LRP1B: variants seen among roughly 807,000 people sequenced by gnomAD.
LRP1B encodes the protein LDL receptor related protein 1B.
LRP1B carries 217 observed loss-of-function variants against 556.6 expected under a neutral mutation model. That is an observed-to-expected ratio of 0.39 (90% CI 0.35 to 0.44). The LOEUF (loss-of-function observed/expected upper bound fraction) is 0.44, where lower values mean the gene tolerates loss of function less well. Among genes scored for constraint, LRP1B ranks in the 20% least tolerant of loss-of-function variants. The pLI is 1.00. For missense variants in LRP1B, 5,053 were observed against 5,620.8 expected, an observed-to-expected ratio of 0.90 and a Z score of 3.23; for synonymous variants, 2,047 against 1,865.8, an observed-to-expected ratio of 1.10 and a Z score of -2.50.
At chr2:141,096,629 G>GGAGAGGGAGAGAGAGA (rs1700318285) in intron 7 of LRP1B, among the ~76,000 whole-genome samples, 9 of 59,742 alleles carry the variant, frequency 1.5e-4, no homozygotes, top group African/African-American at 4.4e-4. Flanking sequence ...GGGGAGAGGG[G>GGAGAGGGAGAGAGAGA]GAGAGAGAGA....
chr2:140,299,708 C>A (rs909123412), intron 83 of LRP1B, among the ~76,000 whole-genome samples: 1 of 151,710 alleles, frequency 6.6e-6, no homozygotes, highest in Non-Finnish European at 1.5e-5. Context: ...ATTGTTGGAA[C>A]GTGATTAATG....
intron 12 of LRP1B, among the ~76,000 whole-genome samples, chr2:141,018,295 T>C (rs115385299): frequency 0.01 from 1,575 of 152,216 alleles, 30 homozygotes; most frequent in African/African-American, 0.035. Context: ...CTTTCCTCTG[T>C]TTCTTAGTAA....
Position 141,316,334 on chromosome 2 carries a change from T to C in LRP1B, c.344-61693A>G, listed in dbSNP as rs1034453530. On this transcript the variant is annotated intron_variant, in intron 3 of 90. Coordinates refer to ENST00000389484, the MANE Select transcript of LRP1B (RefSeq NM_018557.3). ...TAACAACGTTATTGCAATGAGAAAG[T>C]TCCTCCTTTCACTATATACCATTTT... is the stretch of plus-strand genomic sequence containing the variant. Among the ~76,000 whole-genome samples, 4 of 152,172 alleles carry C rather than the reference T, an allele frequency of 2.6e-5. No individual in the cohort carries two copies. The East Asian group carries it at 7.7e-4, about 29-fold the overall frequency.
intron 2 of LRP1B, among the ~76,000 whole-genome samples, chr2:141,528,198 G>A (rs10496885): frequency 0.19 from 29,414 of 151,280 alleles, 2,997 homozygotes; most frequent in South Asian, 0.39. Context: ...ATATAAGCTG[G>A]AATTAAATGG....
intron 1 of LRP1B, among the ~76,000 whole-genome samples, chr2:142,127,155 T>G (rs1337784015): frequency 1.3e-5 from 2 of 151,954 alleles, no homozygotes; most frequent in Non-Finnish European, 2.9e-5. Flanking sequence ...ATATTTAATT[T>G]TTCTGCAATA....
chr2:140,337,018 A>G (rs986352754), intron 77 of LRP1B, among the ~76,000 whole-genome samples: 12 of 151,892 alleles, frequency 7.9e-5, no homozygotes, highest in African/African-American at 2.9e-4. Flanking sequence ...AGTTTTTAAC[A>G]CATGAAGTCT....
intron 1 of LRP1B, among the ~76,000 whole-genome samples, chr2:142,034,112 A>C (rs2105202377): frequency 6.6e-6 from 1 of 151,644 alleles, no homozygotes; most frequent in South Asian, 2.1e-4. Flanking sequence ...ACATCACTCA[A>C]ATCTGCCCTC....
chr2:140,601,748 A>T, intron 41 of LRP1B, 109 bp from the exon 42 acceptor site: 1 of 594,578 alleles, frequency 1.7e-6, no homozygotes, highest in South Asian at 5.4e-5. Context: ...TTCATCAACC[A>T]TTTCTCCACA....
At chr2:142,107,319 G>C (rs1005923514) in intron 1 of LRP1B, among the ~76,000 whole-genome samples, 1 of 152,120 alleles carries the variant, frequency 6.6e-6, no homozygotes, top group Non-Finnish European at 1.5e-5. Context: ...TTCTGCCCTC[G>C]TTGATGGATT....
At chr2:140,414,942 G>A (rs13393727) in intron 66 of LRP1B, among the ~76,000 whole-genome samples, 45,002 of 151,964 alleles carry the variant, frequency 0.3, 7,555 homozygotes, top group Non-Finnish European at 0.39. Context: ...GAGATATATC[G>A]CTAAATTCTT....
chr2:140,499,978 G>T (rs973969487), intron 55 of LRP1B, among the ~76,000 whole-genome samples: 1 of 151,840 alleles, frequency 6.6e-6, no homozygotes, highest in Non-Finnish European at 1.5e-5. Context: ...TATGTTAATT[G>T]TACACAAGTG....
intron 41 of LRP1B, among the ~76,000 whole-genome samples, chr2:140,640,757 C>T (rs973047959): frequency 6.6e-6 from 1 of 151,906 alleles, no homozygotes; most frequent in Non-Finnish European, 1.5e-5. Context: ...ATATATCATT[C>T]GAGTCCCATA....
At chr2:140,787,488 A>C (rs1689946140) in intron 32 of LRP1B, among the ~76,000 whole-genome samples, 1 of 151,204 alleles carries the variant, frequency 6.6e-6, no homozygotes, top group African/African-American at 2.4e-5. Flanking sequence ...GTGTAGAATC[A>C]TATCATAGCA....
intron 7 of LRP1B, among the ~76,000 whole-genome samples, chr2:141,174,410 G>A (rs553960788): frequency 6.6e-6 from 1 of 152,050 alleles, no homozygotes; most frequent in Non-Finnish European, 1.5e-5. Flanking sequence ...TACATGTCAG[G>A]GGAGGGGCCT....
At chr2:140,315,120 A>C in intron 82 of LRP1B, 21 bp from the exon 83 acceptor site, 3 of 1,537,214 alleles carry the variant, frequency 2.0e-6, no homozygotes, top group Non-Finnish European at 2.7e-6. Flanking sequence ...GAAGAAATGT[A>C]CAAATTAGCA....
At chr2:140,487,263 A>T (rs1024982632) in intron 58 of LRP1B, among the ~76,000 whole-genome samples, 6 of 151,956 alleles carry the variant, frequency 3.9e-5, no homozygotes, top group African/African-American at 1.4e-4. Flanking sequence ...TTTCGATTAC[A>T]AAGTTTTAGA....
At chr2:141,747,637 A>G (rs183590738) in intron 2 of LRP1B, among the ~76,000 whole-genome samples, 1 of 152,292 alleles carries the variant, frequency 6.6e-6, no homozygotes, top group Non-Finnish European at 1.5e-5. Context: ...ATAAATAAAT[A>G]AATCTAATTA....
chr2:140,683,767 T>G (rs933532121), intron 41 of LRP1B: 1 of 968,688 alleles, frequency 1.0e-6, no homozygotes, highest in Non-Finnish European at 1.6e-6. Context: ...CTCTCTCTCC[T>G]GACAGGAGTG....
intron 32 of LRP1B, among the ~76,000 whole-genome samples, chr2:140,788,321 G>A (rs1689981267): frequency 6.6e-6 from 1 of 152,184 alleles, no homozygotes. Flanking sequence ...CAATAAGAAT[G>A]TGTGTGGAAT....
Sources: gnomAD v4.1 joint callset for allele counts (sites outside exome capture counted in the v4.1 genomes callset) on GRCh38, gnomAD v4.1.1 for gene constraint, MANE v1.5 for transcripts, NCBI Gene and HGNC (gene_info 2026-07-23, HGNC 2026-07-21) for gene names.